Variants in GPI observed in about 807,000 individuals in gnomAD.
GPI encodes D-hexose-6-phosphate anomerase.
GPI carries 56 observed loss-of-function variants against 75.8 expected under a neutral mutation model. That is an observed-to-expected ratio of 0.74 (90% confidence interval 0.60 to 0.92). GPI has a LOEUF of 0.92. Ranked by LOEUF, GPI falls within the 40% of genes least tolerant of loss-of-function variation. GPI has a pLI of 0.00. For synonymous variants in GPI, 288 were observed against 285.4 expected (o/e 1.01, Z -0.09); for missense variants, 638 against 741.0 (o/e 0.86, Z 1.61).
At chr19:34,364,362 C>T (rs2074323122), upstream of GPI, among the ~76,000 whole-genome samples, 1 of 151,536 alleles carries the variant, frequency 6.6e-6, no homozygotes, top group South Asian at 2.1e-4. Flanking sequence ...CTTGTTGCCT[C>T]CCTTTTGCTC....
intron 4 of GPI, among the ~76,000 whole-genome samples, chr19:34,376,171 C>G (rs766743355): frequency 2.0e-4 from 30 of 152,136 alleles, no homozygotes; most frequent in Non-Finnish European, 3.5e-4. Context: ...CGCCTGTAAT[C>G]CCAACACTTT....
chr19:34,379,665 C>T (rs545907321), intron 8 of GPI, 103 bp downstream of exon 8: 13 of 972,098 alleles, frequency 1.3e-5, no homozygotes, highest in Admixed American at 8.4e-5. Context: ...TGGATCTTGG[C>T]TTGGCTGATG....
At chr19:34,366,209 A>G (rs1568324172) in intron 1 of GPI, 136 bp from the exon 2 acceptor site, 2 of 730,938 alleles carry the variant, frequency 2.7e-6, no homozygotes, top group South Asian at 2.9e-5. Flanking sequence ...AGACACCACC[A>G]CTGTGCTGGG....
At chr19:34,369,053 C>CTT (rs891228498) in intron 4 of GPI, among the ~76,000 whole-genome samples, 2 of 144,282 alleles carry the variant, frequency 1.4e-5, no homozygotes, top group Non-Finnish European at 1.5e-5. Flanking sequence ...TTTCTTTTTT[C>CTT]TTTTTTTTTT....
At chr19:34,395,170 T>A (rs1424883600) in intron 12 of GPI, among the ~76,000 whole-genome samples, 1 of 152,136 alleles carries the variant, frequency 6.6e-6, no homozygotes, top group East Asian at 1.9e-4. Flanking sequence ...TGGTGAGGGT[T>A]GCCATGACCA....
At chr19:34,374,175 G>T (rs1263374958) in intron 4 of GPI, among the ~76,000 whole-genome samples, 1 of 148,436 alleles carries the variant, frequency 6.7e-6, no homozygotes, top group African/African-American at 2.5e-5. Flanking sequence ...GTAGAGATGG[G>T]GTTTCACCAT....
rs564462820 is a variant in GPI, at chr19:34,369,953, C to T, written c.402+1251C>T. On this transcript the variant is annotated intron_variant, in intron 4 of 17. Coordinates refer to ENST00000356487, the MANE Select transcript of GPI (RefSeq NM_000175.5). ...AAATTTAAAAAATAGAAAAGTTTTC[C>T]TGTGAAGTCTTCCAGAAAGTTCCTG... Among the ~76,000 whole-genome samples the T allele has an allele frequency of 1.4e-4, 22 of 152,324 alleles. No individual in the cohort carries two copies. In the South Asian group the frequency reaches 4.4e-3, roughly 30 times the overall value.
chr19:34,369,870 A>G (rs112234208), intron 4 of GPI, among the ~76,000 whole-genome samples: 1 of 152,150 alleles, frequency 6.6e-6, no homozygotes, highest in Non-Finnish European at 1.5e-5. Context: ...GGCTGCAGTG[A>G]GCCATGGTGA....
chr19:34,393,333 G>T lies in GPI; in HGVS notation c.865+25G>T, dbSNP rs375505544. The T allele has an allele frequency of 1.7e-4, 269 of 1,582,832 alleles. No homozygotes were observed. Among genetic ancestry groups the T allele is most frequent in the Non-Finnish European group, 2.2e-4 (255 of 1,151,544 alleles). Reference sequence around the variant, plus strand: ...GGTGAGTGTGTTTCTGTGTCTTGCAGCCCCTGTGGGAGACAGTGTTGCAGT... The same window carrying T: ...GGTGAGTGTGTTTCTGTGTCTTGCATCCCCTGTGGGAGACAGTGTTGCAGT... On this transcript the variant is annotated intron_variant, in intron 10 of 17. Coordinates refer to ENST00000356487, the MANE Select transcript of GPI (RefSeq NM_000175.5). This position sits in a 1 kb window ranked among gnomAD's most constrained non-coding sequence, Gnocchi z 4.4.
intron 14 of GPI, among the ~76,000 whole-genome samples, 169 bp downstream of exon 14, chr19:34,396,826 G>T (rs1386138298): frequency 6.6e-6 from 1 of 152,072 alleles, no homozygotes; most frequent in African/African-American, 2.4e-5. Context: ...GGGGTGGGGA[G>T]GGGGGACAGA....
In GPI at chr19:34,374,985, C is replaced by T. The variant is rs571259094; in HGVS notation, c.403-2518C>T. Among the ~76,000 whole-genome samples the T allele has an allele frequency of 7.9e-4, 120 of 152,106 alleles. 1 individual carries two copies. The highest frequency in any genetic ancestry group is 1.5e-3 in the Admixed American group (23 of 15,270). ...TCAAGTGATCCTCCTGCCTCAGTTT[C>T]CCAGTAAGTGCTGGGATTATAGGCA... On this transcript the variant is annotated intron_variant, in intron 4 of 17. Coordinates refer to ENST00000356487, the MANE Select transcript of GPI (RefSeq NM_000175.5).
intron 1 of GPI, 151 bp from the exon 2 acceptor site, chr19:34,366,194 G>A (rs1668718069): frequency 2.8e-6 from 2 of 715,130 alleles, no homozygotes; most frequent in South Asian, 1.5e-5. Flanking sequence ...GGGCCAGCAG[G>A]TGACAGACAC....
chr19:34,381,410 C>T lies in GPI; in HGVS notation c.751-56C>T, dbSNP rs1292304218. The T allele has an allele frequency of 9.2e-6, 11 of 1,189,692 alleles. No homozygotes were observed. The East Asian group carries it at 1.4e-4, about 15-fold the overall frequency. The allele number at this position is 1,189,692 out of a possible 1,614,324, so 73.7% of individuals were successfully genotyped here. The stretch of plus-strand genomic sequence containing the variant: ...CCCTGCCTCCCGGAGCTCCTGTTCC[C>T]ATCCCGCTAGCAAATGCTTCTTTGC... On this transcript the variant is annotated intron_variant, in intron 8 of 17. Coordinates refer to ENST00000356487, the MANE Select transcript of GPI (RefSeq NM_000175.5).
intron 9 of GPI, among the ~76,000 whole-genome samples, chr19:34,383,586 G>A (rs2074687960): frequency 6.6e-6 from 1 of 152,214 alleles, no homozygotes; most frequent in African/African-American, 2.4e-5. Context: ...AGAGCTCAGG[G>A]CGTCAGAGGC....
upstream of GPI, among the ~76,000 whole-genome samples, chr19:34,360,729 G>A (rs1029051036): frequency 2.6e-5 from 4 of 152,206 alleles, no homozygotes; most frequent in African/African-American, 4.8e-5. Flanking sequence ...GAACCAGGCA[G>A]CCTGGGTTGA....
intron 8 of GPI, chr19:34,381,030 G>A (rs2074642106): frequency 9.6e-6 from 3 of 312,496 alleles, no homozygotes; most frequent in Non-Finnish European, 1.3e-5. Context: ...GGGCTGGGTG[G>A]CTGTTCAGCC....
At chr19:34,362,311 AAAG>A (rs544132289), upstream of GPI, among the ~76,000 whole-genome samples, 5 of 152,286 alleles carry the variant, frequency 3.3e-5, no homozygotes, top group African/African-American at 1.2e-4. Context: ...TCTCAAAAAA[AAAG>A]AAGAAAAAAA....
At chr19:34,377,643 C>G in intron 5 of GPI, 57 bp downstream of exon 5, 1 of 1,583,854 alleles carries the variant, frequency 6.3e-7, no homozygotes, top group Non-Finnish European at 8.7e-7. Context: ...TGGTCCCACT[C>G]AGGTCTTTAC....
rs1396337126 is a variant in GPI, at chr19:34,401,893, TCCAC to T, written c.*1859_*1862del. ...GGTGTGATCTCGGCTCACTGCAAGC[TCCAC>T]CTCCCGGCTTCACGCCATTCTCCTG... On this transcript the variant is annotated 3_prime_UTR_variant, in exon 18 of 18. Transcript: ENST00000356487. The T allele has an allele frequency of 6.6e-6, 1 of 151,774 alleles. No homozygotes were observed. Among genetic ancestry groups the T allele is most frequent in the African/African-American group, 2.4e-5 (1 of 41,292 alleles). The allele number at this position is 151,774 out of a possible 1,614,324, so 9.4% of individuals were successfully genotyped here. A position where few individuals can be genotyped will look rare whatever the true frequency, so the allele number is the denominator to read the frequency against.
Sources: gnomAD v4.1 joint callset for allele counts (sites outside exome capture counted in the v4.1 genomes callset) on GRCh38, gnomAD v4.1.1 for gene constraint, Gnocchi (gnomAD v3.1) non-coding constraint, MANE v1.5 for transcripts, NCBI Gene and HGNC (gene_info 2026-07-23, HGNC 2026-07-21) for gene names.